FAM107B: variants seen among roughly 807,000 people sequenced by gnomAD.
FAM107B encodes the protein family with sequence similarity 107 member B.
Under a neutral mutation model 31.5 loss-of-function variants are expected in FAM107B, and 21 were observed. That is an observed-to-expected ratio of 0.67 (90% confidence interval 0.47 to 0.96). FAM107B has a LOEUF of 0.96. Ranked by LOEUF, FAM107B falls within the 40% of genes least tolerant of loss-of-function variation. The pLI is 0.00. For missense variants in FAM107B, 452 were observed against 377.1 expected, an observed-to-expected ratio of 1.20 and a Z score of -1.64; for synonymous variants, 157 against 141.5, an observed-to-expected ratio of 1.11 and a Z score of -0.78.
chr10:14,624,622 C>A (rs939722695), intron 2 of FAM107B, among the ~76,000 whole-genome samples: 10 of 151,734 alleles, frequency 6.6e-5, no homozygotes. Context: ...GATGACAGAG[C>A]AAGACTCCGT....
At chr10:14,524,298 C>T (rs1845995446) in intron 3 of FAM107B, among the ~76,000 whole-genome samples, 1 of 152,166 alleles carries the variant, frequency 6.6e-6, no homozygotes. Context: ...CTGCCTTGGC[C>T]TCCCAAAGTG....
chr10:14,549,025 T>C (rs1175225409), intron 2 of FAM107B, among the ~76,000 whole-genome samples: 1 of 152,148 alleles, frequency 6.6e-6, no homozygotes, highest in Non-Finnish European at 1.5e-5. Context: ...GAGCTCCTTC[T>C]TTCTCAATCT....
chr10:14,720,759 A>G (rs1855891870), intron 1 of FAM107B, among the ~76,000 whole-genome samples: 1 of 152,216 alleles, frequency 6.6e-6, no homozygotes, highest in Admixed American at 6.5e-5. Flanking sequence ...CAGAGGACCT[A>G]GAATTCATTG....
chr10:14,562,607 A>G (rs1208453907), intron 2 of FAM107B, among the ~76,000 whole-genome samples: 1 of 152,262 alleles, frequency 6.6e-6, no homozygotes, highest in African/African-American at 2.4e-5. Context: ...CTGTCCACAA[A>G]AGACAAAATT....
chr10:14,675,460 T>A (rs1854660067), intron 1 of FAM107B, among the ~76,000 whole-genome samples: 1 of 152,166 alleles, frequency 6.6e-6, no homozygotes, highest in South Asian at 2.1e-4. Flanking sequence ...TGCTCCATTA[T>A]ATTCCTGATG....
intron 1 of FAM107B, among the ~76,000 whole-genome samples, chr10:14,719,452 T>A (rs938760045): frequency 1.8e-4 from 28 of 152,344 alleles, no homozygotes; most frequent in African/African-American, 6.0e-4. Context: ...CCATTCATGT[T>A]CTTTCAACGA....
At chr10:14,659,749 G>C (rs111696285) in intron 2 of FAM107B, among the ~76,000 whole-genome samples, 1,810 of 152,244 alleles carry the variant, frequency 0.012, 31 homozygotes, top group African/African-American at 0.037. Flanking sequence ...CAGAAAATGG[G>C]TCTCGTTTTG....
At chr10:14,761,933 C>T (rs1833056657) in intron 1 of FAM107B, among the ~76,000 whole-genome samples, 1 of 152,084 alleles carries the variant, frequency 6.6e-6, no homozygotes, top group African/African-American at 2.4e-5. Context: ...AGTTTGAGAT[C>T]GCTGTGAGGC....
At chr10:14,740,888 C>T (rs1410476556) in intron 1 of FAM107B, among the ~76,000 whole-genome samples, 1 of 152,178 alleles carries the variant, frequency 6.6e-6, no homozygotes, top group Non-Finnish European at 1.5e-5. Flanking sequence ...CAAGTCAATA[C>T]ATCCTCTTTT....
Position 14,520,896 on chromosome 10 carries a change from C to G in FAM107B, c.*294G>C, listed in dbSNP as rs1845564340. The G allele has an allele frequency of 3.3e-6, 1 of 306,170 alleles. No individual in the cohort carries two copies. The highest frequency in any genetic ancestry group is 1.4e-4 in the South Asian group (1 of 7,148). 19.0% of individuals were successfully genotyped at this position (306,170 alleles called of 1,614,324 possible). On this transcript the variant is annotated 3_prime_UTR_variant, in exon 5 of 5. Coordinates refer to ENST00000181796, the MANE Select transcript of FAM107B (RefSeq NM_031453.4). ...ACTCTCAAGAATTGATTCCAGTGTCCTCTTCCTTTTTCCTGTTCTCACTTG... is the reference window on the plus strand; with the variant it reads ...ACTCTCAAGAATTGATTCCAGTGTCGTCTTCCTTTTTCCTGTTCTCACTTG...
At chr10:14,674,437 A>T (rs1854632008) in intron 1 of FAM107B, among the ~76,000 whole-genome samples, 1 of 152,170 alleles carries the variant, frequency 6.6e-6, no homozygotes, top group Admixed American at 6.5e-5. Flanking sequence ...GAGTCCTTCA[A>T]ATTGCTTATG....
intron 2 of FAM107B, among the ~76,000 whole-genome samples, chr10:14,609,291 T>G (rs977930168): frequency 6.6e-6 from 1 of 152,086 alleles, no homozygotes; most frequent in Non-Finnish European, 1.5e-5. Flanking sequence ...ATGACTGGGG[T>G]CTATGCTGAA....
intron 1 of FAM107B, among the ~76,000 whole-genome samples, chr10:14,770,295 C>T (rs941273295): frequency 1.3e-5 from 2 of 152,040 alleles, no homozygotes; most frequent in African/African-American, 4.8e-5. Context: ...GAGGCCAAGG[C>T]GGGTGGATCA....
chr10:14,762,462 T>C (rs555847050), intron 1 of FAM107B, among the ~76,000 whole-genome samples: 1 of 152,190 alleles, frequency 6.6e-6, no homozygotes, highest in African/African-American at 2.4e-5. Flanking sequence ...AGAACAACAG[T>C]ATTCAAGAGA....
chr10:14,690,698 C>G (rs541080501), intron 1 of FAM107B, among the ~76,000 whole-genome samples: 3 of 152,142 alleles, frequency 2.0e-5, no homozygotes, highest in Non-Finnish European at 2.9e-5. Context: ...GTGATCCCCC[C>G]ACCTCTGCCT....
chr10:14,544,631 A>G (rs1413146814), intron 2 of FAM107B, among the ~76,000 whole-genome samples: 28 of 152,224 alleles, frequency 1.8e-4, no homozygotes, highest in Admixed American at 1.8e-3. Context: ...ACCGTGAAAC[A>G]CCCTTGAACG....
chr10:14,724,370 C>T (rs79945584), intron 1 of FAM107B, among the ~76,000 whole-genome samples: 2,762 of 152,288 alleles, frequency 0.018, 103 homozygotes, highest in African/African-American at 0.063. Context: ...ATTATTTCTC[C>T]ATTGAACTTT....
intron 2 of FAM107B, among the ~76,000 whole-genome samples, chr10:14,637,345 G>A (rs933872859): frequency 2.0e-5 from 3 of 152,048 alleles, no homozygotes; most frequent in African/African-American, 7.2e-5. Flanking sequence ...CTAACCAATA[G>A]AATATGAGAC....
chr10:14,658,647 T>C (rs1361787504), intron 2 of FAM107B, among the ~76,000 whole-genome samples: 1 of 152,210 alleles, frequency 6.6e-6, no homozygotes, highest in Non-Finnish European at 1.5e-5. Flanking sequence ...GCAATTCCAG[T>C]TTCTGACTCA....
Sources: allele counts gnomAD v4.1 joint callset (sites outside exome capture counted in the v4.1 genomes callset), GRCh38; gene constraint gnomAD v4.1.1; transcripts MANE v1.5; gene names NCBI Gene and HGNC (gene_info 2026-07-23, HGNC 2026-07-21).